ZBTB7C: variants seen among roughly 807,000 people sequenced by gnomAD.
The protein encoded by ZBTB7C is zinc finger and BTB domain-containing protein 7C.
A neutral mutation model predicts 25.7 loss-of-function variants in ZBTB7C; 8 were observed. That is an observed-to-expected ratio of 0.31 (90% confidence interval 0.18 to 0.56). The LOEUF (loss-of-function observed/expected upper bound fraction) is 0.56, where lower values mean the gene tolerates loss of function less well. ZBTB7C is among the 20% of genes least tolerant of loss of function. The probability of loss-of-function intolerance (pLI) is 0.91; values close to 1 mark genes in which losing one functional copy is unlikely to be tolerated. For missense variants in ZBTB7C, 824 were observed against 855.2 expected (o/e 0.96, Z 0.46); for synonymous variants, 394 against 369.0 (o/e 1.07, Z -0.78).
At chr18:48,173,625 A>C (rs1030486614) in intron 3 of ZBTB7C, among the ~76,000 whole-genome samples, 2 of 152,228 alleles carry the variant, frequency 1.3e-5, no homozygotes, top group Non-Finnish European at 2.9e-5. Flanking sequence ...CTAGGGCACC[A>C]CATTTAAGGA....
At chr18:48,399,149 A>T (rs2048101372) in intron 1 of ZBTB7C, among the ~76,000 whole-genome samples, 1 of 152,242 alleles carries the variant, frequency 6.6e-6, no homozygotes, top group Non-Finnish European at 1.5e-5. Flanking sequence ...ATTTGAGTAA[A>T]GAATTTTTTA....
intron 3 of ZBTB7C, among the ~76,000 whole-genome samples, chr18:48,059,583 C>T (rs1044470042): frequency 6.6e-6 from 1 of 152,148 alleles, no homozygotes. Flanking sequence ...GCAGGAGGGC[C>T]TGGAGAGGGC....
chr18:48,165,451 G>A (rs1479287704), intron 3 of ZBTB7C: 1 of 303,394 alleles, frequency 3.3e-6, no homozygotes, highest in Non-Finnish European at 6.5e-6. Flanking sequence ...GAGGGGACCT[G>A]GCCTTGTTAG....
intron 3 of ZBTB7C, among the ~76,000 whole-genome samples, chr18:48,134,805 A>G (rs553235146): frequency 3.9e-5 from 6 of 152,330 alleles, no homozygotes; most frequent in African/African-American, 1.4e-4. Flanking sequence ...GCATGTGCCA[A>G]AAGTGCAGAC....
intron 3 of ZBTB7C, among the ~76,000 whole-genome samples, chr18:48,117,416 A>G (rs2039479341): frequency 6.6e-6 from 1 of 152,166 alleles, no homozygotes; most frequent in Non-Finnish European, 1.5e-5. Context: ...TTCCTGCCAT[A>G]CTGAGAGGCA....
At chr18:48,191,037 G>A (rs1279088535) in intron 2 of ZBTB7C, among the ~76,000 whole-genome samples, 1 of 152,230 alleles carries the variant, frequency 6.6e-6, no homozygotes, top group Admixed American at 6.5e-5. Flanking sequence ...GGCCACGGAA[G>A]CCCAGTGGGG....
intron 1 of ZBTB7C, among the ~76,000 whole-genome samples, chr18:48,400,812 A>G (rs976893720): frequency 2.0e-5 from 3 of 152,212 alleles, no homozygotes; most frequent in African/African-American, 4.8e-5. Context: ...TTAAAGTTAC[A>G]TGGATGACTC....
intron 2 of ZBTB7C, among the ~76,000 whole-genome samples, chr18:48,314,004 A>G (rs7238279): frequency 0.67 from 102,035 of 151,964 alleles, 34,447 homozygotes; most frequent in East Asian, 0.83. Context: ...GTGACATGAT[A>G]GCTCCCTGTC....
intron 2 of ZBTB7C, among the ~76,000 whole-genome samples, chr18:48,319,848 T>C (rs1163816838): frequency 6.6e-6 from 1 of 152,030 alleles, no homozygotes; most frequent in African/African-American, 2.4e-5. Context: ...GACTGTCACA[T>C]GCCAAATATT....
At chr18:48,169,833 T>C (rs4462674) in intron 3 of ZBTB7C, 132,458 of 152,332 alleles carry the variant, frequency 0.87, 57,947 homozygotes, top group African/African-American at 0.96. Flanking sequence ...GAACAGGGGC[T>C]ATGCTAATCT....
intron 3 of ZBTB7C, among the ~76,000 whole-genome samples, chr18:48,076,753 G>T (rs1191097614): frequency 6.6e-6 from 1 of 152,160 alleles, no homozygotes; most frequent in African/African-American, 2.4e-5. Context: ...TATTATGAGG[G>T]CTCCACAGGG....
intron 1 of ZBTB7C, among the ~76,000 whole-genome samples, chr18:48,407,824 C>T (rs975880148): frequency 3.9e-5 from 6 of 152,174 alleles, no homozygotes; most frequent in African/African-American, 1.4e-4. Context: ...TTCCACCTCT[C>T]ACGCAGTTTT....
At chr18:48,216,376 A>C (rs181287369) in intron 2 of ZBTB7C, among the ~76,000 whole-genome samples, 2 of 152,334 alleles carry the variant, frequency 1.3e-5, no homozygotes, top group South Asian at 2.1e-4. Context: ...TGAGGCTCAC[A>C]GTCTGGTGGA....
chr18:48,245,177 C>G (rs1252392493), intron 2 of ZBTB7C, among the ~76,000 whole-genome samples: 2 of 149,912 alleles, frequency 1.3e-5, no homozygotes, highest in African/African-American at 4.9e-5. Flanking sequence ...TTCACAGCAA[C>G]CTGGATGGAG....
chr18:48,351,729 T>C (rs913584801), intron 1 of ZBTB7C, among the ~76,000 whole-genome samples: 3 of 152,196 alleles, frequency 2.0e-5, no homozygotes, highest in African/African-American at 7.2e-5. Context: ...AGGAAGCCTT[T>C]GACAGCAGTG....
intron 3 of ZBTB7C, among the ~76,000 whole-genome samples, chr18:48,177,508 T>G (rs116930727): frequency 6.6e-6 from 1 of 152,182 alleles, no homozygotes; most frequent in East Asian, 1.9e-4. Flanking sequence ...GCCATCATTC[T>G]TGTGTTCCTG....
chr18:48,367,602 A>G (rs1043860896), intron 1 of ZBTB7C, among the ~76,000 whole-genome samples: 4 of 151,926 alleles, frequency 2.6e-5, no homozygotes, highest in Non-Finnish European at 4.4e-5. Flanking sequence ...GAGGCAGCCT[A>G]AAAAGATGAA....
chr18:48,120,490 T>C (rs531995364), intron 3 of ZBTB7C, among the ~76,000 whole-genome samples: 30 of 152,150 alleles, frequency 2.0e-4, no homozygotes, highest in African/African-American at 7.0e-4. Flanking sequence ...GGCATGGTGG[T>C]GGGTGCCTGT....
At chr18:48,290,101 A>G (rs2045177760) in intron 2 of ZBTB7C, among the ~76,000 whole-genome samples, 2 of 152,200 alleles carry the variant, frequency 1.3e-5, no homozygotes, top group Non-Finnish European at 1.5e-5. Context: ...CAAAGAGATA[A>G]TTAATTCAGA....
Sources: allele counts gnomAD v4.1 joint callset (sites outside exome capture counted in the v4.1 genomes callset), GRCh38; gene constraint gnomAD v4.1.1; transcripts MANE v1.5; gene names NCBI Gene and HGNC (gene_info 2026-07-23, HGNC 2026-07-21).